The following MS4A1 variants were observed in gnomAD, a reference collection of about 807,000 sequenced individuals.
MS4A1 encodes the protein B-lymphocyte antigen CD20.
A neutral mutation model predicts 26.5 loss-of-function variants in MS4A1; 16 were observed. That is an observed-to-expected ratio of 0.60 (90% CI 0.41 to 0.92). The LOEUF (loss-of-function observed/expected upper bound fraction) is 0.92, where lower values mean the gene tolerates loss of function less well. MS4A1 is among the 40% of genes least tolerant of loss of function. The pLI, the probability that MS4A1 is intolerant of heterozygous loss-of-function variation, is 0.00. For synonymous variants in MS4A1, 128 were observed against 117.6 expected, an observed-to-expected ratio of 1.09 and a Z score of -0.57; for missense variants, 350 against 353.0, an observed-to-expected ratio of 0.99 and a Z score of 0.07.
chr11:60,463,145 T>A, intron 4 of MS4A1, 24 bp downstream of exon 4: 1 of 1,614,052 alleles, frequency 6.2e-7, no homozygotes, highest in Admixed American at 1.7e-5. Context: ...TAGCAGCCAT[T>A]TGGGAAATGG....
At chr11:60,461,902 A>G (rs1048006691) in intron 2 of MS4A1, among the ~76,000 whole-genome samples, 11 of 149,006 alleles carry the variant, frequency 7.4e-5, no homozygotes, top group Admixed American at 3.9e-4. Flanking sequence ...TCCTGCTTCT[A>G]CAGATAGTCC....
chr11:60,467,108 T>A lies in MS4A1; in HGVS notation c.675+48T>A, dbSNP rs747187965. 8 of 1,407,736 alleles carry A rather than the reference T, an allele frequency of 5.7e-6. No individual in the cohort carries two copies. The African/African-American group carries it at 9.9e-5, about 17-fold the overall frequency. The allele number at this position is 1,407,736 out of a possible 1,614,324, so 87.2% of individuals were successfully genotyped here. ...AAAACCTCCCTCTAGAAAATCCACATCCACAAAGGATCATTTATGGAGAAT... is the reference window on the plus strand; with the variant it reads ...AAAACCTCCCTCTAGAAAATCCACAACCACAAAGGATCATTTATGGAGAAT... On this transcript the variant is annotated intron_variant, in intron 7 of 7. Transcript: ENST00000345732.
intron 6 of MS4A1, 77 bp downstream of exon 6, chr11:60,466,234 T>C: frequency 8.3e-7 from 1 of 1,204,458 alleles, no homozygotes; most frequent in African/African-American, 1.5e-5. Flanking sequence ...GAGCATGAAC[T>C]CTGGATCCAG....
chr11:60,462,928 G>A, intron 3 of MS4A1, 74 bp from the exon 4 acceptor site: 3 of 1,603,692 alleles, frequency 1.9e-6, no homozygotes, highest in South Asian at 1.1e-5. Context: ...AGGAGCCAGA[G>A]CTTCCAACCT....
intron 1 of MS4A1, among the ~76,000 whole-genome samples, chr11:60,460,080 TA>T (rs922230904): frequency 1.1e-4 from 16 of 151,624 alleles, no homozygotes; most frequent in Non-Finnish European, 2.2e-4. Flanking sequence ...ACCCCATCTC[TA>T]AAAAAAATAT....
rs201085465 is a variant in MS4A1, at chr11:60,466,135, A to G, written c.551A>G (p.Tyr184Cys). Reference protein sequence around the residue: ...EKNSPSTQYCYSIQSLFLGIL... With the variant: ...EKNSPSTQYCCSIQSLFLGIL... The stretch of plus-strand genomic sequence containing the variant: ...AACTCCCCATCTACCCAATACTGTT[A>G]CAGCATACAATCTCTGTTCTTGGTA... The change falls in exon 6 of 8, where the codon TAC becomes TGC. Residue 184 changes from tyrosine (Y) to cysteine (C), a missense_variant. By Grantham distance (194) the Tyr-to-Cys change is radical. Transcript: ENST00000345732. 14 of 1,611,142 alleles carry G rather than the reference A, an allele frequency of 8.7e-6. No homozygotes were observed. The highest frequency in any genetic ancestry group is 1.7e-5 in the Admixed American group (1 of 60,028).
chr11:60,458,094 C>T (rs1278334339), intron 1 of MS4A1: 3 of 152,152 alleles, frequency 2.0e-5, no homozygotes, highest in African/African-American at 2.4e-5. Context: ...CTAACTCTGT[C>T]TGCTACATAT....
chr11:60,468,280 A>C lies in MS4A1; in HGVS notation c.706A>C (p.Lys236Gln), dbSNP rs2086311705. The change falls in exon 8 of 8, where the codon AAA becomes CAA. Residue 236 changes from lysine to glutamine, a missense_variant. Lys to Gln is a moderately conservative substitution (Grantham distance 53). Coordinates refer to ENST00000345732, the MANE Select transcript of MS4A1 (RefSeq NM_152866.3). ...AGTTCTCCTGTCAGCAGAAGAAAAA[A>C]AAGAACAGACTATTGAAATAAAAGA... ...NIVLLSAEEK[K>Q]EQTIEIKEEV... is the part of the protein sequence containing the mutation. The C allele has an allele frequency of 6.2e-7, 1 of 1,613,608 alleles. No homozygotes were observed. Among genetic ancestry groups the C allele is most frequent in the South Asian group, 1.1e-5 (1 of 90,952 alleles).
Position 60,468,449 on chromosome 11 carries a change from A to G in MS4A1, c.875A>G (p.Glu292Gly). The G allele has an allele frequency of 6.2e-7, 1 of 1,614,116 alleles. No homozygotes were observed. Among genetic ancestry groups the G allele is most frequent in the South Asian group, 1.1e-5 (1 of 91,082 alleles). The change falls in exon 8 of 8, where the codon GAA becomes GGA. Residue 292 changes from glutamate to glycine, a missense_variant. By Grantham distance (98) the Glu-to-Gly change is moderately conservative. Coordinates refer to ENST00000345732, the MANE Select transcript of MS4A1 (RefSeq NM_152866.3). Reference sequence around the variant, plus strand: ...CAAGATCAGGAATCCTCACCAATAGAAAATGACAGCTCTCCTTAAGTGATT... The same window carrying G: ...CAAGATCAGGAATCCTCACCAATAGGAAATGACAGCTCTCCTTAAGTGATT... ...PPQDQESSPI[E>G]NDSSP
chr11:60,465,117 C>T (rs2086280331), intron 5 of MS4A1, among the ~76,000 whole-genome samples: 1 of 152,228 alleles, frequency 6.6e-6, no homozygotes, highest in Non-Finnish European at 1.5e-5. Flanking sequence ...TCAAATTATT[C>T]TCTAGATACA....
Position 60,462,412 on chromosome 11 carries a change from C to T in MS4A1, c.38C>T (p.Pro13Leu), listed in dbSNP as rs143807889. ...TPRNSVNGTF[P>L]AEPMKGPIAM... ...AGAAATTCAGTAAATGGGACTTTCC[C>T]GGCAGAGCCAATGAAAGGCCCTATT... The change falls in exon 3 of 8, where the codon CCG becomes CTG. Residue 13 changes from proline to leucine, a missense_variant. Transcript: ENST00000345732. 7.7e-5 allele frequency: 124 copies of T among 1,614,122 alleles called. No individual in the cohort carries two copies. The highest frequency in any genetic ancestry group is 3.7e-4 in the Admixed American group (22 of 60,014).
intron 1 of MS4A1, among the ~76,000 whole-genome samples, chr11:60,459,743 G>C (rs1414956314): frequency 6.6e-6 from 1 of 152,186 alleles, no homozygotes; most frequent in Non-Finnish European, 1.5e-5. Context: ...AAAATCAAGT[G>C]AGAAACAACC....
intron 1 of MS4A1, among the ~76,000 whole-genome samples, chr11:60,458,530 G>A (rs2086222141): frequency 6.6e-6 from 1 of 152,178 alleles, no homozygotes; most frequent in Admixed American, 6.5e-5. Flanking sequence ...TGCTGATTTG[G>A]ACACCAGCAA....
intron 7 of MS4A1, among the ~76,000 whole-genome samples, chr11:60,467,676 G>T (rs935818333): frequency 2.1e-5 from 2 of 93,986 alleles, no homozygotes; most frequent in African/African-American, 9.7e-5. Flanking sequence ...ATGGTTGAAG[G>T]TTGAAGGCTA....
chr11:60,470,554 G>A lies in MS4A1; in HGVS notation c.*2086G>A, dbSNP rs1367597682. ...ATCTTTAATGTCTGCTATTAAAGAA[G>A]GATGAAAATTCCTATGACCTTCTCC... On this transcript the variant is annotated 3_prime_UTR_variant, in exon 8 of 8. Coordinates refer to ENST00000345732, the MANE Select transcript of MS4A1 (RefSeq NM_152866.3). 2 of 151,954 alleles carry A rather than the reference G, an allele frequency of 1.3e-5. No homozygotes were observed. The highest frequency in any genetic ancestry group is 1.3e-4 in the Admixed American group (2 of 15,252). 9.4% of individuals were successfully genotyped at this position (151,954 alleles called of 1,614,324 possible).
At chr11:60,466,702 T>C (rs2086294533) in intron 6 of MS4A1, 3 of 492,196 alleles carry the variant, frequency 6.1e-6, no homozygotes, top group Non-Finnish European at 1.1e-5. Flanking sequence ...CAGAATTGAT[T>C]CTTCAACTGA....
rs1344280313 is a variant in MS4A1, at chr11:60,464,386, T to C, written c.336+42T>C. 6 of 1,586,094 alleles carry C rather than the reference T, an allele frequency of 3.8e-6. No individual in the cohort carries two copies. In the African/African-American group the frequency reaches 8.1e-5, roughly 21 times the overall value. ...CCTTCTTTCCCACATGTCAGAGAAG[T>C]ACCTATTTTTTTCGGTTAAAAACTG... is the stretch of plus-strand genomic sequence containing the variant. On this transcript the variant is annotated intron_variant, in intron 5 of 7. Transcript: ENST00000345732.
At position 60,467,050 on chromosome 11, in the gene MS4A1, G is replaced by A. The variant is rs2086297822; in HGVS notation, c.665G>A (p.Arg222Lys). 3 of 1,613,818 alleles carry A rather than the reference G, an allele frequency of 1.9e-6. No homozygotes were observed. In the African/African-American group the frequency reaches 4.0e-5, roughly 22 times the overall value. ...AATGAATGGAAAAGAACGTGCTCCA[G>A]ACCCAAATCTGTAAGTAGTAGCCCC... ...VENEWKRTCS[R>K]PKSNIVLLSA... Residue 222 changes from arginine (R) to lysine (K), a missense_variant, in exon 7 of 8, where the codon AGA becomes AAA. Physicochemically the swap from Arg to Lys is conservative, Grantham distance 26. Transcript: ENST00000345732.
chr11:60,465,828 TGA>T, intron 5 of MS4A1, 91 bp from the exon 6 acceptor site: 1 of 933,318 alleles, frequency 1.1e-6, no homozygotes, highest in Non-Finnish European at 1.8e-6. Context: ...AGTTGCTTTG[TGA>T]GTCAGGGCAG....
Sources: allele counts gnomAD v4.1 joint callset (sites outside exome capture counted in the v4.1 genomes callset), GRCh38; gene constraint gnomAD v4.1.1; transcripts MANE v1.5; gene names NCBI Gene and HGNC (gene_info 2026-07-23, HGNC 2026-07-21).